MYO16: variants seen among roughly 807,000 people sequenced by gnomAD.
MYO16 encodes myosin XVI.
MYO16 carries 94 observed loss-of-function variants against 205.3 expected under a neutral mutation model. The ratio of observed to expected loss-of-function variants is 0.46; its 90% CI spans 0.39 to 0.54. MYO16 has a LOEUF of 0.54. Among genes scored for constraint, MYO16 ranks in the 20% least tolerant of loss-of-function variants. MYO16 has a pLI of 0.00. For missense variants in MYO16, 2,315 were observed against 2,387.5 expected (o/e 0.97, Z 0.63); for synonymous variants, 988 against 954.0 (o/e 1.04, Z -0.66).
In MYO16 at chr13:108,709,958, G is replaced by A. The variant is rs114597318; in HGVS notation, c.293-2703G>A. 5.1e-3 allele frequency among the ~76,000 whole-genome samples: 676 copies of A among 133,846 alleles called. 138 individuals carry two copies. Among genetic ancestry groups the A allele is most frequent in the Non-Finnish European group, 8.1e-3 (497 of 61,358 alleles). The allele number at this position is 133,846 out of a possible 152,430, so 87.8% of individuals were successfully genotyped here. ...ATCTAGGACAAACAAAACTCAGATT[G>A]CCCTTTTCTCACTAGGATGATGCCG... On this transcript the variant is annotated intron_variant, in intron 2 of 34. Coordinates refer to ENST00000457511, the MANE Select transcript of MYO16 (RefSeq NM_001198950.3).
chr13:108,984,595 T>TG (rs1198368642), intron 20 of MYO16, among the ~76,000 whole-genome samples: 1 of 152,124 alleles, frequency 6.6e-6, no homozygotes. Flanking sequence ...CCTGCTGGGG[T>TG]CCCAACTTTG....
intron 27 of MYO16, among the ~76,000 whole-genome samples, chr13:109,059,019 G>A (rs1887502883): frequency 2.0e-5 from 3 of 152,082 alleles, no homozygotes; most frequent in South Asian, 4.2e-4. Flanking sequence ...TGATCATGAG[G>A]TTGCCGCAGT....
chr13:109,143,762 A>C (rs1328619471), intron 32 of MYO16, among the ~76,000 whole-genome samples: 2 of 152,148 alleles, frequency 1.3e-5, no homozygotes, highest in African/African-American at 4.8e-5. Context: ...TCAAAATCTC[A>C]AGTACAACAT....
rs1370335707 is a variant in MYO16 at position 108,744,254 on chromosome 13, C to CT, written c.507+16677dup. Among the ~76,000 whole-genome samples the CT allele has an allele frequency of 5.5e-5, 8 of 144,696 alleles. No homozygotes were observed. In the East Asian group the frequency reaches 9.8e-4, roughly 18 times the overall value. The allele number at this position is 144,696 out of a possible 152,430, so 94.9% of individuals were successfully genotyped here. On this transcript the variant is annotated intron_variant, in intron 4 of 34. Transcript: ENST00000457511. ...TGATTTTTTCCTATTTATTTGCTGC[C>CT]TTTTTTCCATTCTTAAAGAGGTGTT... is the stretch of plus-strand genomic sequence containing the variant.
the MYO16 span, among the ~76,000 whole-genome samples, chr13:108,522,506 C>T: frequency 6.6e-6 from 1 of 152,096 alleles, no homozygotes; most frequent in Admixed American, 6.5e-5. Flanking sequence ...AACTGGGTGG[C>T]TTTAACAACA....
In MYO16 at chr13:108,658,426, TTGTGTGTG is replaced by T. The variant is rs145187326; in HGVS notation, c.29-7434_29-7427del. On this transcript the variant is annotated intron_variant, in intron 1 of 34. Transcript: ENST00000457511. ...CTTCCTTCTTTTTTTTGTTTCAACT[TTGTGTGTG>T]TGTGTGTGTGTGTGTGTGTGTGTGT... Among the ~76,000 whole-genome samples, 113 of 145,288 alleles carry T rather than the reference TTGTGTGTG, an allele frequency of 7.8e-4. 2 individuals are homozygous for T. Among genetic ancestry groups the T allele is most frequent in the South Asian group, 2.9e-3 (13 of 4,460 alleles).
chr13:108,839,231 C>T (rs868062259), intron 9 of MYO16, among the ~76,000 whole-genome samples: 3 of 151,964 alleles, frequency 2.0e-5, no homozygotes, highest in South Asian at 2.1e-4. Flanking sequence ...TCCATTAACC[C>T]AATAATCTAT....
At chr13:108,986,919 T>G (rs1187516028) in intron 20 of MYO16, among the ~76,000 whole-genome samples, 1 of 152,140 alleles carries the variant, frequency 6.6e-6, no homozygotes, top group African/African-American at 2.4e-5. Flanking sequence ...AAATGCTTGG[T>G]CTATCTAATA....
Position 108,780,666 on chromosome 13 carries a change from G to C in MYO16, c.508-4969G>C, listed in dbSNP as rs562735698. On this transcript the variant is annotated intron_variant, in intron 4 of 34. Transcript: ENST00000457511. ...TCTTTGCCTTAATTTTTAATGATTA[G>C]TTTAAGTTCAGTTTTTGACTATTAT... 4.9e-4 allele frequency among the ~76,000 whole-genome samples: 74 copies of C among 152,276 alleles called. 1 individual carries two copies. In the South Asian group the frequency reaches 9.1e-3, roughly 19 times the overall value.
intron 20 of MYO16, among the ~76,000 whole-genome samples, chr13:108,972,631 TG>T (rs1884095071): frequency 6.6e-6 from 1 of 151,106 alleles, no homozygotes; most frequent in African/African-American, 2.4e-5. Context: ...ATAGGGGCAT[TG>T]TTTTTTAGTG....
intron 31 of MYO16, among the ~76,000 whole-genome samples, chr13:109,136,624 T>C (rs1420694068): frequency 1.3e-5 from 2 of 152,208 alleles, no homozygotes; most frequent in Non-Finnish European, 2.9e-5. Context: ...TTCTGTTTTC[T>C]ATTTTCCACA....
chr13:108,566,729 GGAAGGGAGGAAGGAAGGA>G, the MYO16 span, among the ~76,000 whole-genome samples: 1 of 127,502 alleles, frequency 7.8e-6, no homozygotes, highest in Non-Finnish European at 1.6e-5. Flanking sequence ...AAGGAAGGAA[GGAAGGGAGGAAGGAAGGA>G]AGGAAGGAAG....
intron 2 of MYO16, among the ~76,000 whole-genome samples, chr13:108,675,667 G>A (rs565218458): frequency 6.6e-6 from 1 of 152,288 alleles, no homozygotes; most frequent in South Asian, 2.1e-4. Context: ...ATCTGAAACC[G>A]TGCTCTCTTC....
intron 11 of MYO16, among the ~76,000 whole-genome samples, chr13:108,862,635 A>G (rs969147355): frequency 2.0e-5 from 3 of 152,222 alleles, no homozygotes; most frequent in Admixed American, 1.3e-4. Flanking sequence ...TTACAGCTAT[A>G]TAGTCAATCC....
At chr13:108,758,620 A>G (rs1438609328) in intron 4 of MYO16, among the ~76,000 whole-genome samples, 1 of 152,226 alleles carries the variant, frequency 6.6e-6, no homozygotes, top group Non-Finnish European at 1.5e-5. Context: ...CATTAGAAGA[A>G]CAGACATGAC....
chr13:108,993,128 G>A (rs770450002), intron 21 of MYO16, among the ~76,000 whole-genome samples: 4 of 152,140 alleles, frequency 2.6e-5, no homozygotes, highest in East Asian at 3.9e-4. Flanking sequence ...ATTATAGTAC[G>A]GGAAGAATTA....
At chr13:108,792,485 A>T (rs1396420096) in intron 5 of MYO16, among the ~76,000 whole-genome samples, 1 of 150,554 alleles carries the variant, frequency 6.6e-6, no homozygotes, top group Non-Finnish European at 1.5e-5. Context: ...GACTTTATTC[A>T]TAGTTTTCCA....
At chr13:108,695,085 C>G (rs2139504516) in intron 2 of MYO16, among the ~76,000 whole-genome samples, 1 of 152,310 alleles carries the variant, frequency 6.6e-6, no homozygotes, top group South Asian at 2.1e-4. Context: ...GCACTCCAGC[C>G]TGGGCAACAA....
chr13:108,891,641 G>A (rs1233168523), intron 14 of MYO16, among the ~76,000 whole-genome samples: 2 of 152,232 alleles, frequency 1.3e-5, no homozygotes, highest in Non-Finnish European at 2.9e-5. Context: ...TATTGCTGCA[G>A]TGTGAAATTT....
Sources: allele counts gnomAD v4.1 joint callset (sites outside exome capture counted in the v4.1 genomes callset), GRCh38; gene constraint gnomAD v4.1.1; transcripts MANE v1.5; gene names NCBI Gene and HGNC (gene_info 2026-07-23, HGNC 2026-07-21).